TENM3: variants seen among roughly 807,000 people sequenced by gnomAD.
TENM3 encodes teneurin-3.
In TENM3, 63 loss-of-function variants were observed where a neutral mutation model predicts 255.1. The observed-to-expected ratio is 0.25, with a 90% confidence interval of 0.20 to 0.30. TENM3 has a LOEUF of 0.30. Among genes scored for constraint, TENM3 ranks in the 10% least tolerant of loss-of-function variants. The pLI, the probability that TENM3 is intolerant of heterozygous loss-of-function variation, is 1.00. For missense variants in TENM3, 2,929 were observed against 3,461.1 expected, an observed-to-expected ratio of 0.85 and a Z score of 3.86; for synonymous variants, 1,306 against 1,322.3, an observed-to-expected ratio of 0.99 and a Z score of 0.27.
At chr4:181,746,607 T>C in the TENM3 span, among the ~76,000 whole-genome samples, 1 of 152,142 alleles carries the variant, frequency 6.6e-6, no homozygotes, top group African/African-American at 2.4e-5. Flanking sequence ...GACAGCCATT[T>C]AATTATCTAC....
chr4:182,205,588 C>A (rs1295023809), intron 1 of TENM3, among the ~76,000 whole-genome samples: 1 of 152,270 alleles, frequency 6.6e-6, no homozygotes, highest in Non-Finnish European at 1.5e-5. Context: ...CCTGGGCCCC[C>A]CCAAATCACC....
chr4:182,369,718 T>TA (rs1388795341), intron 3 of TENM3, among the ~76,000 whole-genome samples: 1 of 151,970 alleles, frequency 6.6e-6, no homozygotes, highest in Non-Finnish European at 1.5e-5. Flanking sequence ...CCATCTCTAT[T>TA]AAAAAACAAA....
the TENM3 span, among the ~76,000 whole-genome samples, chr4:181,535,278 T>C: frequency 6.6e-6 from 1 of 152,126 alleles, no homozygotes; most frequent in African/African-American, 2.4e-5. Context: ...TCAACTAAGA[T>C]TGCTGTGTCC....
At position 182,196,020 on chromosome 4, in the gene TENM3, C is replaced by T. The variant is rs116151940; in HGVS notation, c.-76+51266C>T. Among the ~76,000 whole-genome samples the T allele has an allele frequency of 8.5e-4, 130 of 152,316 alleles. 2 individuals are homozygous for T. The highest frequency in any genetic ancestry group is 3.4e-3 in the Middle Eastern group (1 of 294). On this transcript the variant is annotated intron_variant, in intron 1 of 2. Coordinates refer to the TENM3 transcript ENST00000512480. Reference sequence around the variant, plus strand: ...AAGATTAACTGCCCTAGAAAGAGAACTTATCTTGGATTGAGCTTCAGAAAG... The same window carrying T: ...AAGATTAACTGCCCTAGAAAGAGAATTTATCTTGGATTGAGCTTCAGAAAG...
At chr4:181,982,634 A>T in the TENM3 span, among the ~76,000 whole-genome samples, 1 of 152,166 alleles carries the variant, frequency 6.6e-6, no homozygotes, top group African/African-American at 2.4e-5. Context: ...TGCGGCTCCA[A>T]AAGTGCCTAA....
At chr4:182,068,289 C>A in the TENM3 span, among the ~76,000 whole-genome samples, 7 of 151,984 alleles carry the variant, frequency 4.6e-5, no homozygotes, top group African/African-American at 1.7e-4. Flanking sequence ...ACAATGGTTG[C>A]AAAATTATGG....
At chr4:181,500,598 T>G in the TENM3 span, among the ~76,000 whole-genome samples, 2 of 152,192 alleles carry the variant, frequency 1.3e-5, no homozygotes, top group African/African-American at 2.4e-5. Context: ...TGTTTATTAC[T>G]GAAAAATATC....
chr4:182,781,225 C>T (rs1239707908), intron 24 of TENM3, among the ~76,000 whole-genome samples: 269 of 149,888 alleles, frequency 1.8e-3, no homozygotes, highest in African/African-American at 6.2e-3. Flanking sequence ...TTTTGAGATA[C>T]GTCCCATCAA....
the TENM3 span, among the ~76,000 whole-genome samples, chr4:181,998,661 T>C: frequency 6.6e-6 from 1 of 152,102 alleles, no homozygotes; most frequent in African/African-American, 2.4e-5. Flanking sequence ...GACCAATTTC[T>C]CCAAATGACC....
At chr4:181,763,500 A>G in the TENM3 span, among the ~76,000 whole-genome samples, 13 of 152,258 alleles carry the variant, frequency 8.5e-5, no homozygotes, top group Non-Finnish European at 1.9e-4. Context: ...ATATAATTGA[A>G]CAAAATTAAA....
the TENM3 span, among the ~76,000 whole-genome samples, chr4:181,711,993 A>G: frequency 6.6e-6 from 1 of 152,160 alleles, no homozygotes; most frequent in African/African-American, 2.4e-5. Flanking sequence ...TGATATATTT[A>G]TTATGGTGTA....
At chr4:181,945,546 G>A in the TENM3 span, among the ~76,000 whole-genome samples, 1 of 151,924 alleles carries the variant, frequency 6.6e-6, no homozygotes, top group Non-Finnish European at 1.5e-5. Flanking sequence ...GACTTCTTCT[G>A]TACAACTTCC....
chr4:181,470,403 A>T, the TENM3 span, among the ~76,000 whole-genome samples: 9 of 152,228 alleles, frequency 5.9e-5, no homozygotes, highest in East Asian at 1.2e-3. Flanking sequence ...GTGCTTGATG[A>T]TAAGTTGTTT....
At chr4:181,596,771 G>A in the TENM3 span, among the ~76,000 whole-genome samples, 3 of 152,156 alleles carry the variant, frequency 2.0e-5, no homozygotes, top group South Asian at 6.2e-4. Context: ...ATGAGATCAT[G>A]TCCTTTGCAG....
intron 3 of TENM3, among the ~76,000 whole-genome samples, chr4:182,366,233 G>A (rs971604117): frequency 6.6e-6 from 1 of 151,622 alleles, no homozygotes; most frequent in African/African-American, 2.4e-5. Context: ...TTGATATAAA[G>A]GATTTTTTTT....
At chr4:182,490,139 G>A (rs554764564) in intron 3 of TENM3, among the ~76,000 whole-genome samples, 117 of 152,236 alleles carry the variant, frequency 7.7e-4, no homozygotes, top group African/African-American at 2.6e-3. Flanking sequence ...CATGACCACC[G>A]TTCGGACAAT....
intron 6 of TENM3, among the ~76,000 whole-genome samples, chr4:182,659,908 C>T (rs1754079176): frequency 2.0e-5 from 3 of 152,122 alleles, no homozygotes; most frequent in East Asian, 1.9e-4. Context: ...TGTAGAGTTA[C>T]GAGCCTCACC....
At chr4:181,756,688 A>C in the TENM3 span, among the ~76,000 whole-genome samples, 1 of 152,224 alleles carries the variant, frequency 6.6e-6, no homozygotes, top group Non-Finnish European at 1.5e-5. Flanking sequence ...CACGAAAGCA[A>C]ATGTTAGGGC....
At chr4:181,586,759 G>C in the TENM3 span, among the ~76,000 whole-genome samples, 23 of 152,128 alleles carry the variant, frequency 1.5e-4, no homozygotes, top group Non-Finnish European at 5.9e-5. Context: ...AGAATCTCCT[G>C]AACCTGGGAG....
Sources: gnomAD v4.1 joint callset for allele counts (sites outside exome capture counted in the v4.1 genomes callset) on GRCh38, gnomAD v4.1.1 for gene constraint, MANE v1.5 for transcripts, NCBI Gene and HGNC (gene_info 2026-07-23, HGNC 2026-07-21) for gene names.